Variants in MED13L observed in about 807,000 individuals in gnomAD.
The protein encoded by MED13L is mediator of RNA polymerase II transcription subunit 13-like.
Under a neutral mutation model 220.9 loss-of-function variants are expected in MED13L, and 7 were observed. The ratio of observed to expected loss-of-function variants is 0.03; its 90% CI spans 0.02 to 0.06. MED13L has a LOEUF of 0.06. Ranked by LOEUF, MED13L falls within the 10% of genes least tolerant of loss-of-function variation. The pLI is 1.00. For missense variants in MED13L, 1,965 were observed against 2,760.5 expected, an observed-to-expected ratio of 0.71 and a Z score of 6.46; for synonymous variants, 1,011 against 1,015.2, an observed-to-expected ratio of 1.00 and a Z score of 0.08.
At chr12:116,099,826 G>A (rs750554137) in intron 3 of MED13L, among the ~76,000 whole-genome samples, 16 of 152,218 alleles carry the variant, frequency 1.1e-4, no homozygotes, top group Non-Finnish European at 1.8e-4. Context: ...AACACTGCGT[G>A]AATAGAGCTC....
chr12:115,982,216 C>T, intron 22 of MED13L, 168 bp downstream of exon 22: 1 of 675,900 alleles, frequency 1.5e-6, no homozygotes, highest in South Asian at 1.9e-5. Flanking sequence ...TATATATATG[C>T]AAATATTCCA....
In MED13L at chr12:115,991,511, T is replaced by A; in HGVS notation, c.3443A>T (p.Tyr1148Phe). 1 of 1,614,170 alleles carries A rather than the reference T, an allele frequency of 6.2e-7. No individual in the cohort carries two copies. The highest frequency in any genetic ancestry group is 8.5e-7 in the Non-Finnish European group (1 of 1,180,022). Reference protein sequence around the residue: ...MNIKGADVGLYIPDSSNEDQY... With the variant: ...MNIKGADVGLFIPDSSNEDQY... ...GTCCTCATTGGAAGAATCGGGGATG[T>A]AAAGCCCGACATCCGCCCCTTTGAT... Residue 1148 changes from tyrosine to phenylalanine, a missense_variant, in exon 17 of 31, where the codon TAC becomes TTC. This residue lies in a region of MED13L where 18 missense variants were observed against 72.4 expected (regional missense o/e 0.25). Transcript: ENST00000281928. This position sits in a 1 kb window ranked among gnomAD's most constrained non-coding sequence, Gnocchi z 7.7.
In MED13L at chr12:116,012,885, T is replaced by C. The variant is rs777722490; in HGVS notation, c.1192A>G (p.Thr398Ala). Reference sequence around the variant, plus strand: ...GCAGGCTCTTCTTCAAGAGTTGGAGTTGACATTTGGCTCCTCCTAAAAGGG... The same window carrying C: ...GCAGGCTCTTCTTCAAGAGTTGGAGCTGACATTTGGCTCCTCCTAAAAGGG... ...RTQSKRSQMS[T>A]PTLEEEPASN... Residue 398 changes from threonine (T) to alanine (A), a missense_variant, in exon 9 of 31, where the codon ACT becomes GCT. By Grantham distance (58) the Thr-to-Ala change is moderately conservative (BLOSUM62 0). Transcript: ENST00000281928. The C allele has an allele frequency of 1.9e-6, 3 of 1,613,336 alleles. No homozygotes were observed. The highest frequency in any genetic ancestry group is 2.5e-6 in the Non-Finnish European group (3 of 1,179,610).
Position 115,963,532 on chromosome 12 carries a change from C to CA in MED13L, c.6388-14dup, listed in dbSNP as rs1361259405. ...GATGCAGCGAAGCCTGGTGAAAAAA[C>CA]AAAGAGAGTTACCTCTCTGGTCTAG... is the stretch of plus-strand genomic sequence containing the variant. On this transcript the variant is annotated splice_polypyrimidine_tract_variant and intron_variant, in intron 29 of 30. Transcript: ENST00000281928. The CA allele has an allele frequency of 6.3e-7, 1 of 1,588,238 alleles. No homozygotes were observed. The highest frequency in any genetic ancestry group is 1.3e-5 in the African/African-American group (1 of 74,332).
chr12:115,970,495 T>A, intron 27 of MED13L, 99 bp downstream of exon 27: 2 of 1,309,150 alleles, frequency 1.5e-6, no homozygotes, highest in Admixed American at 3.6e-5. Context: ...CTGGGTTGTT[T>A]ATTACAACAC....
At chr12:116,145,186 G>A (rs1192762941) in intron 2 of MED13L, among the ~76,000 whole-genome samples, 1 of 152,180 alleles carries the variant, frequency 6.6e-6, no homozygotes, top group Non-Finnish European at 1.5e-5. Flanking sequence ...CAATGCCAAT[G>A]TCAACCAAAC....
intron 4 of MED13L, among the ~76,000 whole-genome samples, chr12:116,080,810 T>G (rs1337025332): frequency 6.6e-6 from 1 of 152,214 alleles, no homozygotes; most frequent in East Asian, 1.9e-4. Context: ...TAAGAATAAA[T>G]TTTATTGTTT....
chr12:116,151,568 A>G (rs964118069), intron 2 of MED13L, among the ~76,000 whole-genome samples: 7 of 152,222 alleles, frequency 4.6e-5, no homozygotes, highest in Non-Finnish European at 1.0e-4. Context: ...GATCCTACAC[A>G]GTGGTTGAAA....
intron 1 of MED13L, chr12:116,276,308 TTGTGTGTGTGTGTGTGTGTG>T (rs372521434): frequency 0.019 from 4,223 of 224,764 alleles, 53 homozygotes; most frequent in Middle Eastern, 0.056. Context: ...CTTGTTGCTT[TTGTGTGTGTGTGTGTGTGTG>T]TGTGTGTGTG....
At chr12:116,033,375 T>A (rs1880975327) in intron 4 of MED13L, among the ~76,000 whole-genome samples, 1 of 152,152 alleles carries the variant, frequency 6.6e-6, no homozygotes, top group Admixed American at 6.5e-5. Context: ...ATTATTAAAC[T>A]ATTTTCAAAA....
chr12:116,258,732 C>T (rs1039386894), intron 1 of MED13L, among the ~76,000 whole-genome samples: 14 of 146,738 alleles, frequency 9.5e-5, no homozygotes, highest in African/African-American at 3.5e-4. Flanking sequence ...AGCGAGATTA[C>T]ACCACTGCAC....
intron 1 of MED13L, among the ~76,000 whole-genome samples, chr12:116,262,215 T>C (rs954615272): frequency 1.4e-4 from 21 of 152,176 alleles, no homozygotes; most frequent in African/African-American, 5.1e-4. Context: ...ATTATTTATA[T>C]AACTAAAAAA....
intron 3 of MED13L, among the ~76,000 whole-genome samples, chr12:116,106,507 T>C (rs1377722410): frequency 6.6e-6 from 1 of 152,142 alleles, no homozygotes; most frequent in Non-Finnish European, 1.5e-5. Context: ...AAGAACTCTT[T>C]GGAAAACTGT....
chr12:115,970,807 A>G, intron 26 of MED13L, 37 bp from the exon 27 acceptor site: 2 of 1,590,772 alleles, frequency 1.3e-6, no homozygotes, highest in Middle Eastern at 3.7e-4. Flanking sequence ...CAATCAATGA[A>G]CAACCCCAGA....
intron 1 of MED13L, among the ~76,000 whole-genome samples, chr12:116,244,783 C>G (rs1870960381): frequency 6.6e-6 from 1 of 152,124 alleles, no homozygotes; most frequent in Non-Finnish European, 1.5e-5. Flanking sequence ...GAGACCTCAA[C>G]TCTACAAAAA....
chr12:116,185,636 A>AT (rs996301707), intron 2 of MED13L, among the ~76,000 whole-genome samples: 1 of 147,742 alleles, frequency 6.8e-6, no homozygotes, highest in Admixed American at 6.7e-5. Context: ...AAAAATATCA[A>AT]TTTTTTTCAT....
At chr12:116,017,274 T>G (rs1435241748) in intron 7 of MED13L, among the ~76,000 whole-genome samples, 1 of 152,220 alleles carries the variant, frequency 6.6e-6, no homozygotes, top group Non-Finnish European at 1.5e-5. Flanking sequence ...GAATTATGAC[T>G]ATTAAGAGTT....
chr12:116,034,603 T>C (rs765476819), intron 4 of MED13L, among the ~76,000 whole-genome samples: 2 of 152,192 alleles, frequency 1.3e-5, no homozygotes, highest in African/African-American at 2.4e-5. Context: ...GTGACTAGCA[T>C]AGCAGTCCGA....
intron 2 of MED13L, among the ~76,000 whole-genome samples, chr12:116,147,065 G>A (rs560552507): frequency 6.6e-6 from 1 of 152,144 alleles, no homozygotes; most frequent in Non-Finnish European, 1.5e-5. Context: ...ATATAGTCCA[G>A]GGCCCATTGC....
Sources: allele counts gnomAD v4.1 joint callset (sites outside exome capture counted in the v4.1 genomes callset), GRCh38; gene constraint gnomAD v4.1.1; regional missense constraint gnomAD v4.1.1; non-coding constraint Gnocchi (gnomAD v3.1); transcripts MANE v1.5; gene names NCBI Gene and HGNC (gene_info 2026-07-23, HGNC 2026-07-21).